Variants in MPDZ observed in about 807,000 individuals in gnomAD.
MPDZ encodes multiple PDZ domain crumbs cell polarity complex component, also known as multiple PDZ domain protein.
In MPDZ, 234 loss-of-function variants were observed where a neutral mutation model predicts 239.1. That is an observed-to-expected ratio of 0.98 (90% CI 0.88 to 1.09). The LOEUF (loss-of-function observed/expected upper bound fraction) is 1.09. MPDZ is among the 50% of genes least tolerant of loss of function. The pLI, the probability that MPDZ is intolerant of heterozygous loss-of-function variation, is 0.00. For missense variants in MPDZ, 3,175 were observed against 2,510.0 expected, an observed-to-expected ratio of 1.26 and a Z score of -5.66; for synonymous variants, 1,048 against 881.3, an observed-to-expected ratio of 1.19 and a Z score of -3.35.
chr9:13,178,686 A>C (rs1045816000), intron 19 of MPDZ, among the ~76,000 whole-genome samples: 1 of 152,204 alleles, frequency 6.6e-6, no homozygotes, highest in African/African-American at 2.4e-5. Flanking sequence ...ACAGGTATTT[A>C]TGGTGACGAA....
chr9:13,190,817 TGCCC>T (rs1470290053), intron 15 of MPDZ, among the ~76,000 whole-genome samples: 1 of 152,170 alleles, frequency 6.6e-6, no homozygotes, highest in African/African-American at 2.4e-5. Context: ...AAATCAGATT[TGCCC>T]CCAGCTTGAA....
At chr9:13,248,403 C>T (rs1184547651) in intron 2 of MPDZ, among the ~76,000 whole-genome samples, 1 of 152,018 alleles carries the variant, frequency 6.6e-6, no homozygotes, top group Admixed American at 6.6e-5. Context: ...GAACACTGTA[C>T]AAATCAGACA....
intron 1 of MPDZ, among the ~76,000 whole-genome samples, chr9:13,271,333 G>T (rs543360589): frequency 5.3e-5 from 8 of 152,246 alleles, no homozygotes; most frequent in Admixed American, 2.0e-4. Context: ...ATCAGAACAT[G>T]CCACTCCAAA....
intron 10 of MPDZ, among the ~76,000 whole-genome samples, chr9:13,212,655 T>C (rs1957760992): frequency 6.6e-6 from 1 of 151,066 alleles, no homozygotes; most frequent in South Asian, 2.1e-4. Flanking sequence ...TGGCAGCAAA[T>C]TGCCTATGTG....
chr9:13,165,595 T>G, intron 22 of MPDZ: 1 of 493,424 alleles, frequency 2.0e-6, no homozygotes, highest in Non-Finnish European at 3.5e-6. Context: ...TTTACTAGTG[T>G]CTATAGCAGT....
Position 13,137,821 on chromosome 9 carries a change from G to C in MPDZ, c.4200+136C>G, listed in dbSNP as rs952235024. The C allele has an allele frequency of 4.5e-6, 4 of 880,496 alleles. No individual in the cohort carries two copies. In the African/African-American group the frequency reaches 5.1e-5, roughly 11 times the overall value. 54.5% of individuals were successfully genotyped at this position (880,496 alleles called of 1,614,324 possible). A position where few individuals can be genotyped will look rare whatever the true frequency, so the allele number is the denominator to read the frequency against. On this transcript the variant is annotated intron_variant, in intron 29 of 46. Transcript: ENST00000319217. ...AGAAATTTGGTTTAGAGCCAGATTTGCTGCAATGCATCTATTTTATTAAGC... is the reference window on the plus strand; with the variant it reads ...AGAAATTTGGTTTAGAGCCAGATTTCCTGCAATGCATCTATTTTATTAAGC...
At chr9:13,134,433 C>G (rs10809907) in intron 31 of MPDZ, 82,617 of 152,008 alleles carry the variant, frequency 0.54, 25,305 homozygotes, top group Non-Finnish European at 0.68. Flanking sequence ...TAAATAACCA[C>G]GTGGCTTAGT....
intron 24 of MPDZ, among the ~76,000 whole-genome samples, chr9:13,152,068 CA>C (rs1205900040): frequency 6.6e-6 from 1 of 152,000 alleles, no homozygotes; most frequent in African/African-American, 2.4e-5. Flanking sequence ...ATTAAGTAAT[CA>C]AAAAAATCAG....
chr9:13,199,086 T>C (rs759924758), intron 12 of MPDZ, among the ~76,000 whole-genome samples: 6 of 152,028 alleles, frequency 3.9e-5, no homozygotes, highest in Non-Finnish European at 8.8e-5. Flanking sequence ...AATGAATATA[T>C]AGATATCTTT....
chr9:13,191,349 C>G (rs1443235226), intron 15 of MPDZ, among the ~76,000 whole-genome samples: 1 of 152,172 alleles, frequency 6.6e-6, no homozygotes, highest in African/African-American at 2.4e-5. Context: ...CTAACATCAT[C>G]TCTCAATATA....
At chr9:13,134,237 CT>C (rs1946422657) in intron 31 of MPDZ, 3 of 154,550 alleles carry the variant, frequency 1.9e-5, no homozygotes, top group Admixed American at 1.3e-4. Context: ...GGTAGCCCAG[CT>C]AACAAATGGT....
At chr9:13,248,284 A>T (rs1207847804) in intron 2 of MPDZ, among the ~76,000 whole-genome samples, 2 of 151,968 alleles carry the variant, frequency 1.3e-5, no homozygotes, top group African/African-American at 4.8e-5. Flanking sequence ...GAGTACAAAA[A>T]TACAAAACTG....
intron 3 of MPDZ, among the ~76,000 whole-genome samples, chr9:13,227,951 G>C (rs1373512750): frequency 6.6e-6 from 1 of 152,106 alleles, no homozygotes; most frequent in Non-Finnish European, 1.5e-5. Flanking sequence ...TGATTATGCT[G>C]TAATTGTTTA....
chr9:13,262,368 C>T (rs1193396592), intron 1 of MPDZ, among the ~76,000 whole-genome samples: 1 of 151,854 alleles, frequency 6.6e-6, no homozygotes, highest in East Asian at 1.9e-4. Context: ...GAGGATCACC[C>T]GAGCTCAGGT....
chr9:13,159,684 C>CT (rs1950235879), intron 23 of MPDZ, among the ~76,000 whole-genome samples: 3 of 152,092 alleles, frequency 2.0e-5, no homozygotes, highest in Non-Finnish European at 2.9e-5. Flanking sequence ...TTCAGAAACA[C>CT]CGTAGCCACA....
intron 10 of MPDZ, among the ~76,000 whole-genome samples, chr9:13,216,531 A>G (rs543687877): frequency 2.3e-4 from 35 of 152,058 alleles, no homozygotes; most frequent in African/African-American, 8.2e-4. Flanking sequence ...GAAATTAGAT[A>G]TATCAGGAAT....
intron 22 of MPDZ, among the ~76,000 whole-genome samples, chr9:13,163,010 T>C (rs1257988219): frequency 1.3e-5 from 2 of 152,128 alleles, no homozygotes; most frequent in South Asian, 2.1e-4. Context: ...AGTTTTTAAA[T>C]GCTGCTGATT....
rs1944444716 is a variant in MPDZ at position 13,122,146 on chromosome 9, A to T, written c.4978T>A (p.Tyr1660Asn). 6.2e-7 allele frequency: 1 copy of T among 1,613,910 alleles called. No individual in the cohort carries two copies. Among genetic ancestry groups the T allele is most frequent in the Admixed American group, 1.7e-5 (1 of 60,002 alleles). ...TCTTTACATGCTGCTCCTTCTTCAT[A>T]AACTTCATGGATAATAATGGCACCC... The part of the protein sequence containing the change: ...LLGAIIIHEV[Y>N]EEGAACKDGR... The change falls in exon 37 of 47, where the codon TAT becomes AAT. Residue 1660 changes from tyrosine to asparagine, a missense_variant. Physicochemically the swap from Tyr to Asn is moderately radical, Grantham distance 143. Transcript: ENST00000319217.
intron 1 of MPDZ, among the ~76,000 whole-genome samples, chr9:13,252,119 C>G (rs1039175397): frequency 3.9e-5 from 6 of 152,232 alleles, no homozygotes; most frequent in African/African-American, 1.4e-4. Context: ...CAATGCCGAG[C>G]ATTGCATTAT....
Sources: allele counts gnomAD v4.1 joint callset (sites outside exome capture counted in the v4.1 genomes callset), GRCh38; gene constraint gnomAD v4.1.1; transcripts MANE v1.5; gene names NCBI Gene and HGNC (gene_info 2026-07-23, HGNC 2026-07-21).